SLC9C1: variants seen among roughly 807,000 people sequenced by gnomAD.
The protein encoded by SLC9C1 is sodium/hydrogen exchanger 10.
Under a neutral mutation model 140.9 loss-of-function variants are expected in SLC9C1, and 97 were observed. The ratio of observed to expected loss-of-function variants is 0.69; its 90% CI spans 0.58 to 0.82. SLC9C1 has a LOEUF of 0.82. SLC9C1 is among the 40% of genes least tolerant of loss of function. The pLI is 0.00. For missense variants in SLC9C1, 1,340 were observed against 1,389.3 expected (o/e 0.96, Z 0.56); for synonymous variants, 440 against 442.6 (o/e 0.99, Z 0.07).
At chr3:112,261,468 G>A (rs1414615698) in intron 10 of SLC9C1, among the ~76,000 whole-genome samples, 1 of 151,958 alleles carries the variant, frequency 6.6e-6, no homozygotes, top group African/African-American at 2.4e-5. Flanking sequence ...GGGAATCTAG[G>A]GCACTGTGAC....
intron 26 of SLC9C1, among the ~76,000 whole-genome samples, chr3:112,165,443 G>T (rs759733664): frequency 6.6e-6 from 1 of 152,124 alleles, no homozygotes; most frequent in Non-Finnish European, 1.5e-5. Flanking sequence ...TACAGATGGG[G>T]TTTTGGTGTG....
At chr3:112,218,585 AT>A in intron 14 of SLC9C1, among the ~76,000 whole-genome samples, 1 of 152,340 alleles carries the variant, frequency 6.6e-6, no homozygotes, top group African/African-American at 2.4e-5. Flanking sequence ...AATTGAAAAA[AT>A]ATTTATTCAA....
Position 112,176,897 on chromosome 3 carries a change from G to A in SLC9C1, c.2919+2634C>T, listed in dbSNP as rs2077347636. 2.0e-5 allele frequency among the ~76,000 whole-genome samples: 3 copies of A among 151,942 alleles called. No homozygotes were observed. In the South Asian group the frequency reaches 6.2e-4, roughly 32 times the overall value. ...TCTAGGTCATGATTCTTACTCCTAA[G>A]GCCTATTCTTTCTGGTCTCTCAGCT... On this transcript the variant is annotated intron_variant, in intron 23 of 28. Transcript: ENST00000305815.
chr3:112,146,151 G>A (rs1394145435), intron 28 of SLC9C1, among the ~76,000 whole-genome samples: 1 of 151,798 alleles, frequency 6.6e-6, no homozygotes, highest in Non-Finnish European at 1.5e-5. Flanking sequence ...TATTTCTGTG[G>A]GATTGGTTAT....
At chr3:112,197,958 T>G (rs1478083070) in intron 20 of SLC9C1, among the ~76,000 whole-genome samples, 2 of 152,168 alleles carry the variant, frequency 1.3e-5, no homozygotes, top group East Asian at 1.9e-4. Flanking sequence ...AGTATTTTTT[T>G]GGGGTAGGGA....
chr3:112,230,237 G>T (rs2078785622), intron 13 of SLC9C1, among the ~76,000 whole-genome samples: 2 of 152,006 alleles, frequency 1.3e-5, no homozygotes, highest in African/African-American at 4.8e-5. Flanking sequence ...TGCTGACTCG[G>T]TATATTTAGA....
chr3:112,143,028 T>C (rs2074677441), intron 28 of SLC9C1, among the ~76,000 whole-genome samples: 1 of 152,182 alleles, frequency 6.6e-6, no homozygotes, highest in South Asian at 2.1e-4. Context: ...GGATAATGGG[T>C]TTCAGCTGCA....
chr3:112,285,989 G>A (rs1051405264), intron 2 of SLC9C1, among the ~76,000 whole-genome samples: 2 of 152,080 alleles, frequency 1.3e-5, no homozygotes, highest in African/African-American at 4.8e-5. Flanking sequence ...GTCTTGAACT[G>A]CTGGACTCAA....
chr3:112,166,223 G>T (rs1467974510), intron 26 of SLC9C1, among the ~76,000 whole-genome samples: 2 of 152,192 alleles, frequency 1.3e-5, no homozygotes, highest in South Asian at 2.1e-4. Context: ...CTTCCCAGGT[G>T]AGGCAATGCC....
intron 28 of SLC9C1, chr3:112,151,293 T>C: frequency 1.9e-6 from 1 of 517,260 alleles, no homozygotes; most frequent in Non-Finnish European, 3.9e-6. Context: ...TGTCGGACTG[T>C]CCTCCTCATT....
rs572565142 is a variant in SLC9C1 at position 112,193,575 on chromosome 3, G to A, written c.2523+5746C>T. Among the ~76,000 whole-genome samples the A allele has an allele frequency of 2.0e-5, 3 of 152,256 alleles. No homozygotes were observed. In the South Asian group the frequency reaches 6.2e-4, roughly 32 times the overall value. ...GCTGGCTTAGGAATATGTCTGCTGG[G>A]GGTAGCCCATGGGGTTGTGTCTCAG... is the stretch of plus-strand genomic sequence containing the variant. On this transcript the variant is annotated intron_variant, in intron 20 of 28. Coordinates refer to ENST00000305815, the MANE Select transcript of SLC9C1 (RefSeq NM_183061.3).
chr3:112,162,484 T>C (rs1560015879), intron 26 of SLC9C1, among the ~76,000 whole-genome samples: 1 of 152,060 alleles, frequency 6.6e-6, no homozygotes, highest in Non-Finnish European at 1.5e-5. Flanking sequence ...GCATGAAGGG[T>C]TGTTGGATTT....
intron 28 of SLC9C1, among the ~76,000 whole-genome samples, chr3:112,150,771 T>TATATATATATAAATACATATAC (rs1553774339): frequency 1.8e-4 from 14 of 75,708 alleles, no homozygotes; most frequent in African/African-American, 4.6e-4. Flanking sequence ...TAAAAATACA[T>TATATATATATAAATACATATAC]ATATATATAT....
At chr3:112,214,559 C>T (rs2078301905) in intron 15 of SLC9C1, among the ~76,000 whole-genome samples, 1 of 152,096 alleles carries the variant, frequency 6.6e-6, no homozygotes, top group Admixed American at 6.5e-5. Context: ...ATACAAACTA[C>T]CCTCAGAGAA....
chr3:112,221,792 T>C (rs1461893427), intron 13 of SLC9C1, among the ~76,000 whole-genome samples: 1 of 152,152 alleles, frequency 6.6e-6, no homozygotes, highest in Non-Finnish European at 1.5e-5. Flanking sequence ...AATACATATA[T>C]ATAAAGAGCC....
At chr3:112,215,372 G>C (rs1370868879) in intron 15 of SLC9C1, among the ~76,000 whole-genome samples, 1 of 152,184 alleles carries the variant, frequency 6.6e-6, no homozygotes, top group Non-Finnish European at 1.5e-5. Flanking sequence ...AATCAGGCAG[G>C]AGAAGGAAAT....
chr3:112,156,395 A>G (rs1411197778), intron 26 of SLC9C1, among the ~76,000 whole-genome samples: 1 of 152,042 alleles, frequency 6.6e-6, no homozygotes. Flanking sequence ...ACACATATAC[A>G]CACTGCATTT....
Position 112,168,972 on chromosome 3 carries a change from G to A in SLC9C1, c.3142C>T (p.Leu1048=). The change falls in exon 25 of 29, where the codon CTA becomes TTA. Residue 1048 remains leucine (L), a synonymous_variant. Transcript: ENST00000305815. ...STKTDIYDEN[L]IYVILIHGAV... is the part of the protein sequence containing the mutation. ...CCATGTATGAGGATAACATAGATTAGATTTTCATCATAAATATCAGTTTTG... is the reference window on the plus strand; with the variant it reads ...CCATGTATGAGGATAACATAGATTAAATTTTCATCATAAATATCAGTTTTG... 1 of 1,612,020 alleles carries A rather than the reference G, an allele frequency of 6.2e-7. No homozygotes were observed. Among genetic ancestry groups the A allele is most frequent in the Non-Finnish European group, 8.5e-7 (1 of 1,179,304 alleles).
At chr3:112,204,845 T>C (rs1380499382) in intron 16 of SLC9C1, among the ~76,000 whole-genome samples, 1 of 152,124 alleles carries the variant, frequency 6.6e-6, no homozygotes, top group Non-Finnish European at 1.5e-5. Context: ...TAGTTTATGT[T>C]TGTTGTGACA....
Sources: allele counts gnomAD v4.1 joint callset (sites outside exome capture counted in the v4.1 genomes callset), GRCh38; gene constraint gnomAD v4.1.1; transcripts MANE v1.5; gene names NCBI Gene and HGNC (gene_info 2026-07-23, HGNC 2026-07-21).